Variants in ZNF549 observed in about 807,000 individuals in gnomAD.
ZNF549 encodes the protein zinc finger protein 549.
A neutral mutation model predicts 11.1 loss-of-function variants in ZNF549; 11 were observed. That is an observed-to-expected ratio of 0.99 (90% CI 0.62 to 1.64). The LOEUF (loss-of-function observed/expected upper bound fraction) is 1.64, where lower values mean the gene tolerates loss of function less well. Among genes scored for constraint, ZNF549 ranks in the 40% most tolerant of loss-of-function variants. The pLI, the probability that ZNF549 is intolerant of heterozygous loss-of-function variation, is 0.00. For missense variants in ZNF549, 748 were observed against 765.1 expected (o/e 0.98, Z 0.26); for synonymous variants, 266 against 269.1 (o/e 0.99, Z 0.11).
chr19:57,539,699 A>G lies in ZNF549; in HGVS notation c.*772A>G, dbSNP rs988061809. 1 of 152,204 alleles carries G rather than the reference A, an allele frequency of 6.6e-6. No individual in the cohort carries two copies. Among genetic ancestry groups the G allele is most frequent in the Non-Finnish European group, 1.5e-5 (1 of 68,030 alleles). 9.4% of individuals were successfully genotyped at this position (152,204 alleles called of 1,614,324 possible). ...GGACCTGCATGAATTGTTTATTTGC[A>G]GTGATGCTTCATATTTCCCAGCACT... On this transcript the variant is annotated 3_prime_UTR_variant, in exon 4 of 4. Coordinates refer to ENST00000376233, the MANE Select transcript of ZNF549 (RefSeq NM_001199295.2).
intron 1 of ZNF549, among the ~76,000 whole-genome samples, chr19:57,529,602 T>C (rs2089894783): frequency 6.6e-6 from 1 of 152,220 alleles, no homozygotes. Context: ...AATGGTGCAC[T>C]GTTGGCCAGC....
intron 3 of ZNF549, among the ~76,000 whole-genome samples, chr19:57,536,165 T>C (rs2089923722): frequency 6.6e-6 from 1 of 152,206 alleles, no homozygotes; most frequent in Non-Finnish European, 1.5e-5. Context: ...ACCTAATGTA[T>C]TTAATATTAT....
chr19:57,532,691 C>T (rs2089908894), intron 2 of ZNF549, among the ~76,000 whole-genome samples: 1 of 152,174 alleles, frequency 6.6e-6, no homozygotes, highest in Non-Finnish European at 1.5e-5. Context: ...AGCTTGAGAA[C>T]AGCATGTATT....
intron 2 of ZNF549, among the ~76,000 whole-genome samples, chr19:57,532,694 C>T (rs2089908936): frequency 6.6e-6 from 1 of 152,172 alleles, no homozygotes; most frequent in Admixed American, 6.5e-5. Flanking sequence ...TTGAGAACAG[C>T]ATGTATTCTG....
rs2123320059 is a variant in ZNF549 at position 57,539,028 on chromosome 19, T to C, written c.*101T>C. Reference sequence around the variant, plus strand: ...AGAAATTCACCCTCATACATCTGCATATCACTAGTTGAAAGATTCACTACA... The same window carrying C: ...AGAAATTCACCCTCATACATCTGCACATCACTAGTTGAAAGATTCACTACA... On this transcript the variant is annotated 3_prime_UTR_variant, in exon 4 of 4. Transcript: ENST00000376233. 6.1e-6 allele frequency: 8 copies of C among 1,306,152 alleles called. No individual in the cohort carries two copies. The highest frequency in any genetic ancestry group is 2.3e-5 in the East Asian group (1 of 42,792). 80.9% of individuals were successfully genotyped at this position (1,306,152 alleles called of 1,614,324 possible).
chr19:57,533,339 A>G (rs1463708199), intron 2 of ZNF549, among the ~76,000 whole-genome samples: 5 of 152,186 alleles, frequency 3.3e-5, no homozygotes, highest in African/African-American at 1.2e-4. Flanking sequence ...TGGAAGAGGA[A>G]TACTAGAGTG....
In ZNF549 at chr19:57,537,517, T is replaced by C; in HGVS notation, c.513T>C (p.Asn171=). The C allele has an allele frequency of 6.2e-7, 1 of 1,614,220 alleles. No homozygotes were observed. The highest frequency in any genetic ancestry group is 1.1e-5 in the South Asian group (1 of 91,084). Residue 171 remains asparagine, a synonymous_variant, in exon 4 of 4, where the codon AAT becomes AAC. Transcript: ENST00000376233. ...RKEESSALLL[N]SCKIPLSDNL... ...AGGAGAGCAGTGCCTTGCTTCTGAATAGCTGCAAAATTCCTCTGTCAGACA... is the reference window on the plus strand; with the variant it reads ...AGGAGAGCAGTGCCTTGCTTCTGAACAGCTGCAAAATTCCTCTGTCAGACA...
At position 57,538,897 on chromosome 19, in the gene ZNF549, C is replaced by T. The variant is rs1197956791; in HGVS notation, c.1893C>T (p.His631=). Residue 631 remains histidine, a synonymous_variant, in exon 4 of 4, where the codon CAC becomes CAT. Coordinates refer to ENST00000376233, the MANE Select transcript of ZNF549 (RefSeq NM_001199295.2). ...AFNKRYSLVR[H]QKVHITEEP ...ACAAAAGATATTCCCTTGTCAGGCA[C>T]CAGAAGGTACATATAACAGAAGAGC... 3.1e-6 allele frequency: 5 copies of T among 1,605,792 alleles called. No individual in the cohort carries two copies. The highest frequency in any genetic ancestry group is 1.3e-5 in the African/African-American group (1 of 74,902).
chr19:57,527,537 C>T lies in ZNF549; in HGVS notation c.-37C>T. The T allele has an allele frequency of 6.2e-7, 1 of 1,612,570 alleles. No homozygotes were observed. The highest frequency in any genetic ancestry group is 1.1e-5 in the South Asian group (1 of 90,988). On this transcript the variant is annotated 5_prime_UTR_variant, in exon 1 of 4. Transcript: ENST00000376233. ...ACGCACGCCGGATCCCGGGCTTTAC[C>T]GCCCGCCTTTCCAGGCCCCGCCCCG...
chr19:57,531,116 G>A lies in ZNF549; in HGVS notation c.72+8G>A, dbSNP rs1447099998. ...TTTGTGAAACCATCACAGGTAAGTG[G>A]AAGAAGTCCCAGGTCTTCACTGGCC... On this transcript the variant is annotated splice_region_variant and intron_variant, in intron 2 of 3. Transcript: ENST00000376233. 1 of 1,598,310 alleles carries A rather than the reference G, an allele frequency of 6.3e-7. No individual in the cohort carries two copies. Among genetic ancestry groups the A allele is most frequent in the African/African-American group, 1.3e-5 (1 of 75,026 alleles).
At chr19:57,529,742 C>T (rs191310972) in intron 1 of ZNF549, among the ~76,000 whole-genome samples, 27 of 151,956 alleles carry the variant, frequency 1.8e-4, no homozygotes, top group Non-Finnish European at 1.8e-4. Flanking sequence ...AAAAATTAGC[C>T]AGGTGTGGTA....
chr19:57,529,789 G>A (rs2089895888), intron 1 of ZNF549, among the ~76,000 whole-genome samples: 1 of 152,168 alleles, frequency 6.6e-6, no homozygotes, highest in African/African-American at 2.4e-5. Context: ...CGGAGGCTGA[G>A]GCAGGAGAAT....
intron 3 of ZNF549, among the ~76,000 whole-genome samples, chr19:57,536,667 C>A (rs1441483940): frequency 7.2e-5 from 11 of 152,174 alleles, no homozygotes; most frequent in Admixed American, 3.3e-4. Flanking sequence ...CCCTGCCTCT[C>A]TTCCCACCAT....
Position 57,531,098 on chromosome 19 carries a change from A to C in ZNF549, c.62A>C (p.Lys21Thr), listed in dbSNP as rs751449367. The C allele has an allele frequency of 5.6e-6, 9 of 1,598,364 alleles. No individual in the cohort carries two copies. In the South Asian group the frequency reaches 9.9e-5, roughly 18 times the overall value. Residue 21 changes from lysine to threonine, a missense_variant, in exon 2 of 4, where the codon AAA (lysine) becomes ACA (threonine). Lys to Thr is a moderately conservative substitution (Grantham distance 78). Coordinates refer to ENST00000376233, the MANE Select transcript of ZNF549 (RefSeq NM_001199295.2). The stretch of plus-strand genomic sequence containing the variant: ...CCCATGGTAACAGAAGAGTTTGTGA[A>C]ACCATCACAGGTAAGTGGAAGAAGT... The part of the protein sequence containing the change: ...QIPMVTEEFV[K>T]PSQGHVTFED...
chr19:57,529,865 G>T (rs560282447), intron 1 of ZNF549, among the ~76,000 whole-genome samples: 1 of 151,950 alleles, frequency 6.6e-6, no homozygotes, highest in Non-Finnish European at 1.5e-5. Flanking sequence ...CAGCCTGGGC[G>T]ACAGAGCGAG....
rs1443909257 is a variant in ZNF549 at position 57,540,686 on chromosome 19, G to A, written c.*1759G>A. On this transcript the variant is annotated 3_prime_UTR_variant, in exon 4 of 4. Coordinates refer to ENST00000376233, the MANE Select transcript of ZNF549 (RefSeq NM_001199295.2). ...GAGGCAGGAGAATTGCTTGAACCTG[G>A]GGGGCGGAGGTTGCAATGAGCCAAG... is the stretch of plus-strand genomic sequence containing the variant. 1 of 152,194 alleles carries A rather than the reference G, an allele frequency of 6.6e-6. No homozygotes were observed. Among genetic ancestry groups the A allele is most frequent in the African/African-American group, 2.4e-5 (1 of 41,434 alleles). 9.4% of individuals were successfully genotyped at this position (152,194 alleles called of 1,614,324 possible). A position where few individuals can be genotyped will look rare whatever the true frequency, so the allele number is the denominator to read the frequency against.
chr19:57,537,628 G>A lies in ZNF549; in HGVS notation c.624G>A (p.Glu208=). ...ACCAGACCACCCACAGCAGACAAGA[G>A]TATGCACATAGAAGCAGGGAGACCT... The part of the protein sequence containing the change: ...LQHQTTHSRQ[E]YAHRSRETFQ... The change falls in exon 4 of 4, where the codon GAG becomes GAA. Residue 208 remains glutamate (E), a synonymous_variant. Coordinates refer to ENST00000376233, the MANE Select transcript of ZNF549 (RefSeq NM_001199295.2). The A allele has an allele frequency of 6.2e-7, 1 of 1,614,220 alleles. No homozygotes were observed. The highest frequency in any genetic ancestry group is 8.5e-7 in the Non-Finnish European group (1 of 1,180,042).
chr19:57,534,538 G>C (rs937016706), intron 2 of ZNF549, among the ~76,000 whole-genome samples: 1 of 152,174 alleles, frequency 6.6e-6, no homozygotes, highest in Non-Finnish European at 1.5e-5. Context: ...AGAGAGGAAA[G>C]ATATGACTGG....
rs1464922051 is a variant in ZNF549 at position 57,538,502 on chromosome 19, C to G, written c.1498C>G (p.Pro500Ala). 5 of 1,614,116 alleles carry G rather than the reference C, an allele frequency of 3.1e-6. No homozygotes were observed. The highest frequency in any genetic ancestry group is 1.7e-5 in the Admixed American group (1 of 60,008). ...TCACAAAATCCACACTAGAGAAAGGCCTTATGAATGCAGTGAATGTGGAAA... is the reference window on the plus strand; with the variant it reads ...TCACAAAATCCACACTAGAGAAAGGGCTTATGAATGCAGTGAATGTGGAAA... ...KHHKIHTRERPYECSECGKGF... is the reference protein window; with the variant it reads ...KHHKIHTRERAYECSECGKGF... Residue 500 changes from proline (P) to alanine (A), a missense_variant, in exon 4 of 4, where the codon CCT (proline) becomes GCT (alanine). By Grantham distance (27) the Pro-to-Ala change is conservative. Coordinates refer to ENST00000376233, the MANE Select transcript of ZNF549 (RefSeq NM_001199295.2).
Sources: allele counts gnomAD v4.1 joint callset (sites outside exome capture counted in the v4.1 genomes callset), GRCh38; gene constraint gnomAD v4.1.1; transcripts MANE v1.5; gene names NCBI Gene and HGNC (gene_info 2026-07-23, HGNC 2026-07-21).